Variants in ADAMTSL1 observed in about 807,000 individuals in gnomAD.
ADAMTSL1 encodes the protein ADAMTS like 1, also known as ADAMTS-like protein 1.
In ADAMTSL1, 126 loss-of-function variants were observed where a neutral mutation model predicts 201.8. That is an observed-to-expected ratio of 0.62 (90% confidence interval 0.54 to 0.72). ADAMTSL1 has a LOEUF of 0.72. Among genes scored for constraint, ADAMTSL1 ranks in the 30% least tolerant of loss-of-function variants. The pLI is 0.00. For synonymous variants in ADAMTSL1, 1,121 were observed against 903.4 expected (o/e 1.24, Z -4.32); for missense variants, 2,679 against 2,277.8 (o/e 1.18, Z -3.59).
intron 23 of ADAMTSL1, among the ~76,000 whole-genome samples, chr9:18,882,095 T>G (rs1467604669): frequency 6.6e-6 from 1 of 152,228 alleles, no homozygotes; most frequent in Non-Finnish European, 1.5e-5. Flanking sequence ...AGCTCCCAGA[T>G]AAGTTCTTCA....
At chr9:18,528,204 A>T (rs1564020904) in intron 2 of ADAMTSL1, among the ~76,000 whole-genome samples, 1 of 151,726 alleles carries the variant, frequency 6.6e-6, no homozygotes, top group African/African-American at 2.4e-5. Context: ...TTTTTATTTT[A>T]TTTTAAGTTT....
intron 1 of ADAMTSL1, among the ~76,000 whole-genome samples, chr9:18,028,797 GA>G (rs1464584441): frequency 2.6e-5 from 4 of 152,106 alleles, no homozygotes; most frequent in Non-Finnish European, 5.9e-5. Context: ...ATTCTGTGAA[GA>G]AAATCATTGG....
rs139624767 is a variant in ADAMTSL1 at position 18,144,656 on chromosome 9, T to G, written c.88-19206T>G. ...TTATTTACTTTCTATTTTGGTTGGATTAAAACGAATTTTTGCAAAGATACT... is the reference window on the plus strand; with the variant it reads ...TTATTTACTTTCTATTTTGGTTGGAGTAAAACGAATTTTTGCAAAGATACT... On this transcript the variant is annotated intron_variant, in intron 1 of 29. Coordinates refer to the ADAMTSL1 transcript ENST00000680146. Among the ~76,000 whole-genome samples, 572 of 152,276 alleles carry G rather than the reference T, an allele frequency of 3.8e-3. 4 individuals carry two copies. Among genetic ancestry groups the G allele is most frequent in the African/African-American group, 0.013 (549 of 41,558 alleles).
intron 2 of ADAMTSL1, among the ~76,000 whole-genome samples, chr9:18,221,421 G>C (rs1830256190): frequency 6.6e-6 from 1 of 152,170 alleles, no homozygotes; most frequent in East Asian, 1.9e-4. Context: ...TAGGATGCCT[G>C]AGTTGTGTGT....
At chr9:18,363,447 T>C (rs1457395556) in intron 2 of ADAMTSL1, among the ~76,000 whole-genome samples, 2 of 152,234 alleles carry the variant, frequency 1.3e-5, no homozygotes, top group African/African-American at 4.8e-5. Context: ...AGAAGTCAGA[T>C]TAATGTTCAG....
At chr9:18,495,033 C>G (rs575329376) in intron 1 of ADAMTSL1, among the ~76,000 whole-genome samples, 2 of 152,018 alleles carry the variant, frequency 1.3e-5, no homozygotes, top group Admixed American at 1.3e-4. Context: ...AATGGTAGTA[C>G]CAGAATTAAG....
At chr9:17,972,235 C>T (rs539713437) in intron 1 of ADAMTSL1, among the ~76,000 whole-genome samples, 2 of 139,192 alleles carry the variant, frequency 1.4e-5, no homozygotes, top group East Asian at 4.5e-4. Context: ...CCTATGCATA[C>T]ATGTGCCATG....
At chr9:18,457,398 C>A (rs767985638) in intron 2 of ADAMTSL1, among the ~76,000 whole-genome samples, 8 of 152,192 alleles carry the variant, frequency 5.3e-5, no homozygotes, top group Non-Finnish European at 1.0e-4. Flanking sequence ...GTGGTGTGAT[C>A]ATGGCTCACT....
intron 1 of ADAMTSL1, among the ~76,000 whole-genome samples, chr9:17,925,516 TATGCAGCC>T (rs1826487122): frequency 2.0e-5 from 2 of 99,688 alleles, no homozygotes. Flanking sequence ...CATGGAATAC[TATGCAGCC>T]ATAAAAAATG....
chr9:18,535,048 A>G (rs966844382), intron 3 of ADAMTSL1, among the ~76,000 whole-genome samples: 15 of 152,202 alleles, frequency 9.9e-5, no homozygotes, highest in African/African-American at 3.4e-4. Context: ...ACTTGTGCAA[A>G]TTTTTGCAGC....
At chr9:17,917,798 C>G (rs1209090025) in intron 1 of ADAMTSL1, among the ~76,000 whole-genome samples, 1 of 151,902 alleles carries the variant, frequency 6.6e-6, no homozygotes, top group Non-Finnish European at 1.5e-5. Context: ...GCCACCTGGA[C>G]CTAAATTTTA....
In ADAMTSL1 at chr9:18,366,285, A is replaced by G. The variant is rs910157812; in HGVS notation, c.208-138544A>G. The stretch of plus-strand genomic sequence containing the variant: ...TTGTATTTGCTTATACAAGTTTTTC[A>G]TAGCAGAAAAAGATTGAGCGTGCAT... On this transcript the variant is annotated intron_variant, in intron 2 of 29. Coordinates refer to the ADAMTSL1 transcript ENST00000680146. Among the ~76,000 whole-genome samples, 6 of 151,314 alleles carry G rather than the reference A, an allele frequency of 4.0e-5. No homozygotes were observed. The East Asian group carries it at 9.8e-4, about 25-fold the overall frequency.
chr9:17,957,480 T>C (rs768550055), intron 1 of ADAMTSL1, among the ~76,000 whole-genome samples: 4 of 152,164 alleles, frequency 2.6e-5, no homozygotes, highest in Non-Finnish European at 5.9e-5. Context: ...ACCTTCAAGC[T>C]TTTCCATGAT....
At chr9:18,116,941 T>A (rs1223338422) in intron 1 of ADAMTSL1, among the ~76,000 whole-genome samples, 1 of 152,186 alleles carries the variant, frequency 6.6e-6, no homozygotes, top group East Asian at 1.9e-4. Flanking sequence ...TCTTTCTACC[T>A]GTGGCATTCT....
At chr9:18,610,684 C>T (rs1357612157) in intron 4 of ADAMTSL1, among the ~76,000 whole-genome samples, 2 of 152,150 alleles carry the variant, frequency 1.3e-5, no homozygotes, top group African/African-American at 2.4e-5. Context: ...GACACAAGCC[C>T]TGCTAACTTG....
intron 2 of ADAMTSL1, among the ~76,000 whole-genome samples, chr9:18,198,017 C>G (rs918525548): frequency 2.6e-3 from 389 of 152,242 alleles, no homozygotes; most frequent in Non-Finnish European, 4.0e-3. Flanking sequence ...AAAGGATTCC[C>G]TATTTAATGA....
intron 2 of ADAMTSL1, among the ~76,000 whole-genome samples, chr9:18,179,745 T>A (rs1266412971): frequency 1.3e-5 from 2 of 152,162 alleles, no homozygotes; most frequent in Admixed American, 6.5e-5. Context: ...AAAAGAATTT[T>A]CAACCCAGAA....
chr9:18,372,368 T>C (rs1360957730), intron 2 of ADAMTSL1, among the ~76,000 whole-genome samples: 1 of 152,118 alleles, frequency 6.6e-6, no homozygotes, highest in Non-Finnish European at 1.5e-5. Flanking sequence ...TTTGGAATAA[T>C]GGGAACAGCA....
chr9:18,009,348 T>C (rs534677175), intron 1 of ADAMTSL1, among the ~76,000 whole-genome samples: 2 of 152,150 alleles, frequency 1.3e-5, no homozygotes, highest in African/African-American at 2.4e-5. Flanking sequence ...ATGTAAAACC[T>C]TGTACTCACT....
Sources: allele counts gnomAD v4.1 joint callset (sites outside exome capture counted in the v4.1 genomes callset), GRCh38; gene constraint gnomAD v4.1.1; transcripts MANE v1.5; gene names NCBI Gene and HGNC (gene_info 2026-07-23, HGNC 2026-07-21).